The following RTTN variants were observed in gnomAD, a reference collection of about 807,000 sequenced individuals.
RTTN encodes rotatin.
Under a neutral mutation model 269.2 loss-of-function variants are expected in RTTN, and 182 were observed. That is an observed-to-expected ratio of 0.68 (90% CI 0.60 to 0.76). The LOEUF (loss-of-function observed/expected upper bound fraction) is 0.76. RTTN is among the 30% of genes least tolerant of loss of function. The pLI is 0.00. For missense variants in RTTN, 2,545 were observed against 2,608.6 expected (o/e 0.98, Z 0.53); for synonymous variants, 1,006 against 963.5 (o/e 1.04, Z -0.82).
At chr18:70,190,830 T>A in intron 8 of RTTN, 111 bp from the exon 9 acceptor site, 2 of 651,624 alleles carry the variant, frequency 3.1e-6, no homozygotes, top group Non-Finnish European at 5.3e-6. Flanking sequence ...ACAACTCTAC[T>A]GCTTCATTCA....
chr18:70,050,863 G>A (rs141612279), intron 39 of RTTN, among the ~76,000 whole-genome samples: 2 of 152,294 alleles, frequency 1.3e-5, no homozygotes, highest in African/African-American at 4.8e-5. Context: ...ACAAGTGAGA[G>A]ATGAACAATG....
intron 40 of RTTN, among the ~76,000 whole-genome samples, chr18:70,038,836 G>A (rs1264074743): frequency 1.3e-5 from 2 of 152,172 alleles, no homozygotes; most frequent in Non-Finnish European, 2.9e-5. Context: ...TTCAAAATAA[G>A]AGAAGGAATT....
Position 70,075,367 on chromosome 18 carries a change from T to C in RTTN, c.4549A>G (p.Ser1517Gly). Residue 1517 changes from serine to glycine, a missense_variant, in exon 33 of 49, where the codon AGC becomes GGC. Transcript: ENST00000640769. ...TCGTACTTACCATTTAAATCATTGC[T>C]TTCTGAATTTCTATCAAAAGCAGAA... ...NFSAFDRNSE[S>G]NDLNGLDDSF... The C allele has an allele frequency of 6.3e-7, 1 of 1,580,090 alleles. No individual in the cohort carries two copies. The highest frequency in any genetic ancestry group is 8.6e-7 in the Non-Finnish European group (1 of 1,165,978).
intron 27 of RTTN, among the ~76,000 whole-genome samples, chr18:70,112,919 A>G (rs2059510372): frequency 6.6e-6 from 1 of 152,204 alleles, no homozygotes; most frequent in African/African-American, 2.4e-5. Flanking sequence ...AATTGGAAGT[A>G]AAACACTCCT....
chr18:70,199,680 A>G (rs1332060325), intron 4 of RTTN, among the ~76,000 whole-genome samples, 176 bp from the exon 5 acceptor site: 1 of 152,262 alleles, frequency 6.6e-6, no homozygotes, highest in African/African-American at 2.4e-5. Context: ...AGGATAAATA[A>G]GAGAGTTCTC....
chr18:70,067,425 C>T (rs1007243449), intron 34 of RTTN, among the ~76,000 whole-genome samples: 1 of 152,188 alleles, frequency 6.6e-6, no homozygotes, highest in Non-Finnish European at 1.5e-5. Context: ...TCCCAAAGTG[C>T]TGGGATTACA....
Position 70,166,084 on chromosome 18 carries a change from T to A in RTTN, c.1907A>T (p.His636Leu), listed in dbSNP as rs776217054. The A allele has an allele frequency of 1.2e-6, 2 of 1,613,816 alleles. No individual in the cohort carries two copies. ...PLPRVKAETYHCCLEITKECL... is the reference protein window; with the variant it reads ...PLPRVKAETYLCCLEITKECL... ...CACCTTCGTGATTTCCAGACAGCAG[T>A]GGTAAGTTTCAGCTTTCACTCGTGG... The change falls in exon 14 of 49, where the codon CAC becomes CTC. Residue 636 changes from histidine to leucine, a missense_variant. Physicochemically the swap from His to Leu is moderately conservative, Grantham distance 99. Coordinates refer to ENST00000640769, the MANE Select transcript of RTTN (RefSeq NM_173630.4).
rs527919960 is a variant in RTTN at position 70,031,276 on chromosome 18, C to T, written c.5542-295G>A. Reference sequence around the variant, plus strand: ...TCATATACTTACTCAAATTCACCAGCGCATATTGTATATATATGTGTGTAC... The same window carrying T: ...TCATATACTTACTCAAATTCACCAGTGCATATTGTATATATATGTGTGTAC... On this transcript the variant is annotated intron_variant, in intron 40 of 48. Coordinates refer to ENST00000640769, the MANE Select transcript of RTTN (RefSeq NM_173630.4). 2.4e-4 allele frequency: 120 copies of T among 493,064 alleles called. 1 individual carries two copies. Among genetic ancestry groups the T allele is most frequent in the South Asian group, 1.7e-3 (40 of 23,382 alleles). The allele number at this position is 493,064 out of a possible 1,614,324, so 30.5% of individuals were successfully genotyped here. A position where few individuals can be genotyped will look rare whatever the true frequency, so the allele number is the denominator to read the frequency against.
At chr18:70,189,898 A>G (rs2061631180) in intron 9 of RTTN, among the ~76,000 whole-genome samples, 1 of 152,236 alleles carries the variant, frequency 6.6e-6, no homozygotes, top group Admixed American at 6.5e-5. Flanking sequence ...ATTAAATACC[A>G]GTGTATATTT....
At chr18:70,179,046 A>G (rs1367733385) in intron 10 of RTTN, among the ~76,000 whole-genome samples, 1 of 152,160 alleles carries the variant, frequency 6.6e-6, no homozygotes, top group Non-Finnish European at 1.5e-5. Flanking sequence ...TTAACTTTAA[A>G]CATACTTTAC....
At chr18:70,175,661 TAA>T (rs2061272513) in intron 11 of RTTN, among the ~76,000 whole-genome samples, 1 of 149,500 alleles carries the variant, frequency 6.7e-6, no homozygotes, top group Non-Finnish European at 1.5e-5. Flanking sequence ...CTTAAGTTAC[TAA>T]AATATGCAAC....
intron 44 of RTTN, 86 bp downstream of exon 44, chr18:70,024,636 G>GT: frequency 1.7e-6 from 2 of 1,210,234 alleles, no homozygotes; most frequent in Non-Finnish European, 2.4e-6. Context: ...TTCAAAATAT[G>GT]TATTAGTTTT....
At chr18:70,042,366 CTTTTTTTTTTTTTTTTT>C (rs1017125527) in intron 40 of RTTN, among the ~76,000 whole-genome samples, 1 of 78,068 alleles carries the variant, frequency 1.3e-5, no homozygotes, top group East Asian at 3.3e-4. Context: ...TTGGAATTTT[CTTTTTTTTTTTTTTTTT>C]TTTTTTTTTT....
chr18:70,051,661 C>T (rs1050672432), intron 38 of RTTN, 113 bp from the exon 39 acceptor site: 38 of 662,954 alleles, frequency 5.7e-5, no homozygotes, highest in Non-Finnish European at 8.2e-5. Context: ...GGGGTGTGCA[C>T]TTATCAAATG....
At chr18:70,149,858 A>G (rs982905875) in intron 16 of RTTN, 113 bp downstream of exon 16, 1 of 800,016 alleles carries the variant, frequency 1.2e-6, no homozygotes, top group Non-Finnish European at 2.2e-6. Flanking sequence ...GCGCCTTCAC[A>G]GCTTCTCTTC....
intron 7 of RTTN, 43 bp from the exon 8 acceptor site, chr18:70,193,496 C>G (rs770054593): frequency 7.6e-7 from 1 of 1,317,410 alleles, no homozygotes; most frequent in Non-Finnish European, 1.0e-6. Flanking sequence ...TTAGTAGAAA[C>G]AGACTTCTGA....
chr18:70,026,690 C>T (rs1773503067), intron 43 of RTTN, among the ~76,000 whole-genome samples: 1 of 152,140 alleles, frequency 6.6e-6, no homozygotes, highest in South Asian at 2.1e-4. Flanking sequence ...CCAGTATTCC[C>T]TTCTCAGTTG....
In RTTN at chr18:70,073,941, G is replaced by A. The variant is rs780919672; in HGVS notation, c.4618C>T (p.Arg1540Ter). The A allele has an allele frequency of 5.0e-6, 8 of 1,611,716 alleles. No homozygotes were observed. The highest frequency in any genetic ancestry group is 1.1e-5 in the South Asian group (1 of 91,018). Residue 1540 changes from arginine (R) to a stop codon, truncating the protein, a stop_gained, in exon 34 of 49, where the codon CGA becomes TGA. Coordinates refer to ENST00000640769, the MANE Select transcript of RTTN (RefSeq NM_173630.4). LOFTEE classifies it high-confidence loss of function. ...GAGGTGGAGAGAGAACTTGGATCTC[G>A]ATCCTGACTTGTCCTAGATGGAGCC... ...WRAPSRTSQD[R>*]DPSSLSTSET...
intron 8 of RTTN, among the ~76,000 whole-genome samples, chr18:70,190,964 G>T (rs140323127): frequency 1.3e-5 from 2 of 152,274 alleles, no homozygotes; most frequent in African/African-American, 4.8e-5. Flanking sequence ...AAGGCGGGCA[G>T]ATCACCTGAG....
Sources: gnomAD v4.1 joint callset for allele counts (sites outside exome capture counted in the v4.1 genomes callset) on GRCh38, gnomAD v4.1.1 for gene constraint, MANE v1.5 for transcripts, NCBI Gene and HGNC (gene_info 2026-07-23, HGNC 2026-07-21) for gene names.